Variants in EPRS1 observed in about 807,000 individuals in gnomAD.
EPRS1 encodes bifunctional glutamate/proline--tRNA ligase.
Under a neutral mutation model 188.3 loss-of-function variants are expected in EPRS1, and 107 were observed. The observed-to-expected ratio is 0.57, with a 90% CI of 0.49 to 0.67. The LOEUF is 0.67. EPRS1 is among the 30% of genes least tolerant of loss of function. The pLI is 0.00. For synonymous variants in EPRS1, 596 were observed against 593.1 expected (o/e 1.00, Z -0.07); for missense variants, 1,577 against 1,802.2 (o/e 0.88, Z 2.26).
chr1:219,983,437 A>G (rs1439485233), intron 21 of EPRS1, 39 bp from the exon 22 acceptor site: 4 of 1,455,868 alleles, frequency 2.7e-6, no homozygotes, highest in Non-Finnish European at 2.8e-6. Context: ...CTTACATTGA[A>G]CCAAAATTCT....
rs774890710 is a variant in EPRS1 at position 219,979,529 on chromosome 1, T to C, written c.3798A>G (p.Gln1266=). 92 of 1,613,946 alleles carry C rather than the reference T, an allele frequency of 5.7e-5. No homozygotes were observed. The highest frequency in any genetic ancestry group is 7.8e-5 in the Non-Finnish European group (92 of 1,179,894). ...GGCCCCAGGAGTTTTGATAGGCAAA[T>C]TGCTTCTCTCCTGGTATCTTTGGAT... The part of the protein sequence containing the change: ...FEDPKIPGEK[Q]FAYQNSWGLT... The change falls in exon 27 of 32, where the codon CAA becomes CAG. Residue 1266 remains glutamine, a synonymous_variant. Transcript: ENST00000366923.
At chr1:219,999,089 G>C (rs1159176978) in intron 17 of EPRS1, among the ~76,000 whole-genome samples, 1 of 151,904 alleles carries the variant, frequency 6.6e-6, no homozygotes, top group East Asian at 1.9e-4. Context: ...TCATATAAGT[G>C]CCTTCCTTTA....
rs373215535 is a variant in EPRS1, at chr1:220,032,121, C to G, written c.528+266G>C. 1.6e-4 allele frequency among the ~76,000 whole-genome samples: 24 copies of G among 151,922 alleles called. No homozygotes were observed. The East Asian group carries it at 4.7e-3, about 29-fold the overall frequency. ...ATAGAGTCTCGCTCTGTTGCCCAGGCAGGAGTGCAGTGGCGCGATCTCGGC... is the reference window on the plus strand; with the variant it reads ...ATAGAGTCTCGCTCTGTTGCCCAGGGAGGAGTGCAGTGGCGCGATCTCGGC... On this transcript the variant is annotated intron_variant, in intron 5 of 31. Transcript: ENST00000366923.
At chr1:220,033,697 AT>A in intron 3 of EPRS1, 39 bp from the exon 4 acceptor site, 1 of 1,473,202 alleles carries the variant, frequency 6.8e-7, no homozygotes, top group Non-Finnish European at 9.4e-7. Context: ...GCATTCCAAC[AT>A]TTCAACTTAT....
chr1:220,025,667 A>G (rs1431052684), intron 6 of EPRS1, among the ~76,000 whole-genome samples: 1 of 152,166 alleles, frequency 6.6e-6, no homozygotes, highest in African/African-American at 2.4e-5. Flanking sequence ...CTGGGTGCCC[A>G]CCTATGCCAC....
intron 18 of EPRS1, among the ~76,000 whole-genome samples, chr1:219,992,320 T>A (rs542546035): frequency 6.6e-6 from 1 of 152,318 alleles, no homozygotes; most frequent in African/African-American, 2.4e-5. Context: ...CAGAAGCAAA[T>A]GGTGATTCAA....
rs1660852167 is a variant in EPRS1 at position 219,979,545 on chromosome 1, A to G, written c.3782T>C (p.Ile1261Thr). ...MFEIVFEDPK[I>T]PGEKQFAYQN... ...ATAGGCAAATTGCTTCTCTCCTGGT[A>G]TCTTTGGATCTTCAAAAACGATTTC... Residue 1261 changes from isoleucine to threonine, a missense_variant, in exon 27 of 32, where the codon ATA (isoleucine) becomes ACA (threonine). This residue lies in a region of EPRS1 where 296 missense variants were observed against 327.9 expected (regional missense o/e 0.90). Transcript: ENST00000366923. The G allele has an allele frequency of 6.2e-7, 1 of 1,613,926 alleles. No individual in the cohort carries two copies.
rs759492713 is a variant in EPRS1, at chr1:219,981,435, T to C, written c.3396A>G (p.Lys1132=). The change falls in exon 24 of 32, where the codon AAA becomes AAG. Residue 1132 remains lysine, a synonymous_variant. Transcript: ENST00000366923. ...SETVMYPAYA[K]WVQSHRDLPI... is the part of the protein sequence containing the mutation. ...GCAGGTCTCTGTGTGACTGTACCCA[T>C]TTTGCATATGCAGGATACATTACTG... 7.5e-6 allele frequency: 12 copies of C among 1,605,122 alleles called. No individual in the cohort carries two copies. The South Asian group carries it at 1.0e-4, about 13-fold the overall frequency.
chr1:219,993,976 T>TCCTA (rs1661174558), intron 18 of EPRS1, among the ~76,000 whole-genome samples: 1 of 152,214 alleles, frequency 6.6e-6, no homozygotes, highest in Non-Finnish European at 1.5e-5. Context: ...TGCGTTCCAT[T>TCCTA]CCTAGTAACT....
intron 18 of EPRS1, among the ~76,000 whole-genome samples, chr1:219,989,989 TG>T (rs1333714715): frequency 6.6e-6 from 1 of 151,950 alleles, no homozygotes; most frequent in Admixed American, 6.6e-5. Context: ...AAAATAAAAA[TG>T]GAAAAGAAGG....
chr1:219,981,541 T>A, intron 23 of EPRS1, 84 bp from the exon 24 acceptor site: 3 of 659,604 alleles, frequency 4.5e-6, no homozygotes, highest in Admixed American at 2.7e-5. Flanking sequence ...GCAAGATAAT[T>A]AATAGGAATT....
At chr1:219,974,938 GAAGA>G (rs933437066) in intron 28 of EPRS1, among the ~76,000 whole-genome samples, 3 of 152,134 alleles carry the variant, frequency 2.0e-5, no homozygotes, top group African/African-American at 7.2e-5. Flanking sequence ...TCCTCAGCTG[GAAGA>G]GAGAAGAAAA....
chr1:220,005,965 C>T lies in EPRS1; in HGVS notation c.1950+141G>A, dbSNP rs112585230. On this transcript the variant is annotated intron_variant, in intron 15 of 31. Transcript: ENST00000366923. ...GATTACAGGCATGAGCCACCATGCT[C>T]GGCCAACTTACATCATTTGATTTAA... is the stretch of plus-strand genomic sequence containing the variant. The T allele has an allele frequency of 2.2e-3, 1,023 of 475,042 alleles. 10 individuals carry two copies. Among genetic ancestry groups the T allele is most frequent in the African/African-American group, 0.019 (955 of 50,236 alleles). 29.4% of individuals were successfully genotyped at this position (475,042 alleles called of 1,614,324 possible). A position where few individuals can be genotyped will look rare whatever the true frequency, so the allele number is the denominator to read the frequency against.
chr1:220,017,564 C>T (rs1372980768), intron 12 of EPRS1, among the ~76,000 whole-genome samples: 1 of 152,106 alleles, frequency 6.6e-6, no homozygotes, highest in Non-Finnish European at 1.5e-5. Flanking sequence ...CAAAATAAAA[C>T]AAATTCAAGA....
At chr1:220,019,162 A>C in intron 10 of EPRS1, 83 bp from the exon 11 acceptor site, 4 of 854,876 alleles carry the variant, frequency 4.7e-6, no homozygotes, top group Non-Finnish European at 7.9e-6. Flanking sequence ...TCAATAATAA[A>C]TCATATTCAG....
In EPRS1 at chr1:219,972,146, C is replaced by T; in HGVS notation, c.4246G>A (p.Ala1416Thr). 1 of 1,552,264 alleles carries T rather than the reference C, an allele frequency of 6.4e-7. No homozygotes were observed. Among genetic ancestry groups the T allele is most frequent in the South Asian group, 1.2e-5 (1 of 82,242 alleles). ...EDIQVTLFTR[A>T]SEDLKTHMVV... is the part of the protein sequence containing the mutation. ...ATATGAGTCTTAAGGTCTTCAGAAG[C>T]CCTACCAAACAAAATTAGAAAACAA... is the stretch of plus-strand genomic sequence containing the variant. The change falls in exon 30 of 32, where the codon GCT becomes ACT. Residue 1416 changes from alanine (A) to threonine (T), a missense_variant and splice_region_variant. Coordinates refer to ENST00000366923, the MANE Select transcript of EPRS1 (RefSeq NM_004446.3).
At chr1:220,007,039 T>C (rs1453918649) in intron 14 of EPRS1, among the ~76,000 whole-genome samples, 163 bp downstream of exon 14, 1 of 152,224 alleles carries the variant, frequency 6.6e-6, no homozygotes, top group African/African-American at 2.4e-5. Flanking sequence ...GAAAGATATA[T>C]GGAAAAAAAT....
intron 10 of EPRS1, 126 bp downstream of exon 10, chr1:220,019,862 C>T: frequency 3.1e-6 from 2 of 640,104 alleles, no homozygotes; most frequent in South Asian, 2.0e-5. Flanking sequence ...AGATAAGAAT[C>T]AGGAATTCTA....
In EPRS1 at chr1:220,046,325, T is replaced by G; in HGVS notation, c.46+18A>C. ...TGGCTGATGCAACCCACACAGGTCA[T>G]TGGTCTCGGCCCCTTACCTAGCGGA... On this transcript the variant is annotated intron_variant, in intron 1 of 31. Coordinates refer to ENST00000366923, the MANE Select transcript of EPRS1 (RefSeq NM_004446.3). 1 of 1,614,004 alleles carries G rather than the reference T, an allele frequency of 6.2e-7. No individual in the cohort carries two copies. Among genetic ancestry groups the G allele is most frequent in the Non-Finnish European group, 8.5e-7 (1 of 1,179,938 alleles).
Sources: gnomAD v4.1 joint callset for allele counts (sites outside exome capture counted in the v4.1 genomes callset) on GRCh38, gnomAD v4.1.1 for gene constraint, gnomAD v4.1.1 regional missense constraint, MANE v1.5 for transcripts, NCBI Gene and HGNC (gene_info 2026-07-23, HGNC 2026-07-21) for gene names.